KCNMA1: variants seen among roughly 807,000 people sequenced by gnomAD.
KCNMA1 encodes Calcium-activated potassium channel subunit alpha-1.
KCNMA1 carries 29 observed loss-of-function variants against 140.0 expected under a neutral mutation model. That is an observed-to-expected ratio of 0.21 (90% CI 0.15 to 0.28). The LOEUF is 0.28. KCNMA1 is among the 10% of genes least tolerant of loss of function. KCNMA1 has a pLI of 1.00. For synonymous variants in KCNMA1, 612 were observed against 611.9 expected, an observed-to-expected ratio of 1.00 and a Z score of 0.00; for missense variants, 880 against 1,602.2, an observed-to-expected ratio of 0.55 and a Z score of 7.70.
At chr10:77,375,979 C>A (rs568810870) in intron 2 of KCNMA1, among the ~76,000 whole-genome samples, 7 of 152,190 alleles carry the variant, frequency 4.6e-5, no homozygotes, top group African/African-American at 1.7e-4. Flanking sequence ...CACTCAACTT[C>A]GTGTCAGAGC....
rs2070154120 is a variant in KCNMA1 at position 76,959,691 on chromosome 10, GCTACTGCTATTATTTCTA to G, written c.2361-5785_2361-5768del. Among the ~76,000 whole-genome samples, 7 of 152,238 alleles carry G rather than the reference GCTACTGCTATTATTTCTA, an allele frequency of 4.6e-5. No homozygotes were observed. The South Asian group carries it at 1.5e-3, about 32-fold the overall frequency. On this transcript the variant is annotated intron_variant, in intron 20 of 27. Transcript: ENST00000286628. ...AGCAGTTCAATAATAAAGATATAGAGCTACTGCTATTATTTCTACTACTGCTACTATTAATACTACTAC... is the reference window on the plus strand; with the variant it reads ...AGCAGTTCAATAATAAAGATATAGAGCTACTGCTACTATTAATACTACTAC...
intron 2 of KCNMA1, among the ~76,000 whole-genome samples, chr10:77,270,326 A>G (rs1454331056): frequency 6.6e-6 from 1 of 152,154 alleles, no homozygotes; most frequent in African/African-American, 2.4e-5. Flanking sequence ...TGCAAAACCC[A>G]AGAAATAGTG....
At chr10:77,453,373 A>ATAAAT (rs2097699544) in intron 1 of KCNMA1, among the ~76,000 whole-genome samples, 5 of 151,798 alleles carry the variant, frequency 3.3e-5, no homozygotes, top group Non-Finnish European at 7.4e-5. Flanking sequence ...ATATAAATAA[A>ATAAAT]TAAATAAATA....
chr10:77,324,959 CTCTCTCTCTCTCTGTGTGTGTG>C (rs1215605155), intron 2 of KCNMA1, among the ~76,000 whole-genome samples: 14 of 121,430 alleles, frequency 1.2e-4, no homozygotes, highest in South Asian at 3.0e-4. Context: ...CTCTCTCTCT[CTCTCTCTCTCTCTGTGTGTGTG>C]TGTGTGTGTG....
At chr10:77,487,952 G>C (rs1394906476) in intron 1 of KCNMA1, among the ~76,000 whole-genome samples, 2 of 152,186 alleles carry the variant, frequency 1.3e-5, no homozygotes, top group Admixed American at 6.5e-5. Context: ...GCCCACTCAA[G>C]TTTGAGAACC....
intron 2 of KCNMA1, among the ~76,000 whole-genome samples, chr10:77,293,415 A>G (rs940150242): frequency 2.0e-5 from 3 of 152,080 alleles, no homozygotes; most frequent in Non-Finnish European, 4.4e-5. Flanking sequence ...GGTTCCCTTG[A>G]TATCAGCTCT....
chr10:77,059,573 A>T (rs1017850143), intron 14 of KCNMA1, among the ~76,000 whole-genome samples: 4 of 152,142 alleles, frequency 2.6e-5, no homozygotes, highest in Non-Finnish European at 4.4e-5. Context: ...GTAATTTACC[A>T]TATTAACAGT....
intron 5 of KCNMA1, among the ~76,000 whole-genome samples, chr10:77,177,547 C>T: frequency 6.7e-6 from 1 of 148,908 alleles, no homozygotes; most frequent in East Asian, 2.0e-4. Context: ...CTATGTTGCC[C>T]AGGTTGGTCT....
At chr10:77,063,995 G>C (rs554971187) in intron 14 of KCNMA1, 3 of 985,182 alleles carry the variant, frequency 3.0e-6, no homozygotes, top group Admixed American at 6.2e-5. Context: ...CTGGATTTTC[G>C]CATTAAGTCC....
intron 19 of KCNMA1, chr10:76,980,136 G>A (rs2153227058): frequency 6.6e-6 from 1 of 152,380 alleles, no homozygotes; most frequent in African/African-American, 2.4e-5. Flanking sequence ...GAGTGCAACA[G>A]AAGGGCTGGA....
intron 5 of KCNMA1, among the ~76,000 whole-genome samples, chr10:77,122,994 C>T (rs1206231217): frequency 6.8e-6 from 1 of 146,366 alleles, no homozygotes; most frequent in Non-Finnish European, 1.5e-5. Context: ...CTGGCTAACA[C>T]AGTGAAACCC....
chr10:77,477,116 G>A (rs976227336), intron 1 of KCNMA1, among the ~76,000 whole-genome samples: 1 of 152,146 alleles, frequency 6.6e-6, no homozygotes, highest in African/African-American at 2.4e-5. Flanking sequence ...GTCTTCCTTG[G>A]GCCTCCATCA....
At chr10:77,001,683 G>A in intron 18 of KCNMA1, 103 bp from the exon 19 acceptor site, 1 of 896,006 alleles carries the variant, frequency 1.1e-6, no homozygotes, top group Non-Finnish European at 1.7e-6. Flanking sequence ...TTTAACACAG[G>A]TCTTAGTTCA....
intron 3 of KCNMA1, among the ~76,000 whole-genome samples, chr10:77,196,033 T>C (rs774513844): frequency 7.9e-5 from 12 of 152,208 alleles, no homozygotes; most frequent in Non-Finnish European, 1.5e-4. Context: ...GAAAGAAATA[T>C]GATGAATTAC....
intron 20 of KCNMA1, among the ~76,000 whole-genome samples, chr10:76,956,003 A>G (rs1591860586): frequency 6.6e-6 from 1 of 152,316 alleles, no homozygotes; most frequent in Middle Eastern, 3.4e-3. Flanking sequence ...CCCCTAGTGC[A>G]TTTAGGATTT....
intron 1 of KCNMA1, among the ~76,000 whole-genome samples, chr10:77,613,162 T>C (rs1376828937): frequency 6.6e-6 from 1 of 152,178 alleles, no homozygotes; most frequent in Non-Finnish European, 1.5e-5. Flanking sequence ...AGGATCACTG[T>C]GAGAATTTTA....
Position 77,108,481 on chromosome 10 carries a change from T to C in KCNMA1, c.1223A>G (p.Lys408Arg). The C allele has an allele frequency of 1.9e-6, 3 of 1,613,186 alleles. No individual in the cohort carries two copies. The highest frequency in any genetic ancestry group is 2.5e-6 in the Non-Finnish European group (3 of 1,179,344). ...GGSYSAVSGRKHIVVCGHITL... is the reference protein window; with the variant it reads ...GGSYSAVSGRRHIVVCGHITL... ...CAGCAAAACCTCTTGGCATACTTAC[T>C]TTCTTCCACTAACCGCACTATAGGA... Residue 408 changes from lysine (K) to arginine (R), a missense_variant and splice_region_variant, in exon 9 of 28, where the codon AAG becomes AGG. Lys to Arg is a conservative substitution (Grantham distance 26). Coordinates refer to ENST00000286628, the MANE Select transcript of KCNMA1 (RefSeq NM_001161352.2). The surrounding 1 kb of genome is among the most constrained non-coding windows in gnomAD (Gnocchi z 4.6).
chr10:77,484,009 G>A (rs910693817), intron 1 of KCNMA1, among the ~76,000 whole-genome samples: 1 of 152,216 alleles, frequency 6.6e-6, no homozygotes, highest in African/African-American at 2.4e-5. Context: ...GGACCAGGGT[G>A]GGAGGGGCCA....
rs1173069111 is a variant in KCNMA1 at position 77,266,247 on chromosome 10, C to A, written c.541-14991G>T. Among the ~76,000 whole-genome samples, 5 of 152,052 alleles carry A rather than the reference C, an allele frequency of 3.3e-5. No homozygotes were observed. In the East Asian group the frequency reaches 9.7e-4, roughly 29 times the overall value. On this transcript the variant is annotated intron_variant, in intron 2 of 27. Coordinates refer to ENST00000286628, the MANE Select transcript of KCNMA1 (RefSeq NM_001161352.2). ...TTCATCAATATACTGTTTCCTTTAT[C>A]ATTAGAAAGAAACAGTGCTAAAAAA...
Sources: gnomAD v4.1 joint callset for allele counts (sites outside exome capture counted in the v4.1 genomes callset) on GRCh38, gnomAD v4.1.1 for gene constraint, Gnocchi (gnomAD v3.1) non-coding constraint, MANE v1.5 for transcripts, NCBI Gene and HGNC (gene_info 2026-07-23, HGNC 2026-07-21) for gene names.